The following BTC variants were observed in gnomAD, a reference collection of about 807,000 sequenced individuals.
BTC encodes the protein probetacellulin.
BTC carries 13 observed loss-of-function variants against 18.1 expected under a neutral mutation model. The ratio of observed to expected loss-of-function variants is 0.72; its 90% CI spans 0.47 to 1.14. The LOEUF is 1.14. Ranked by LOEUF, BTC falls within the 50% of genes most tolerant of loss-of-function variation. BTC has a pLI of 0.00. For missense variants in BTC, 247 were observed against 224.2 expected, an observed-to-expected ratio of 1.10 and a Z score of -0.65; for synonymous variants, 83 against 79.4, an observed-to-expected ratio of 1.05 and a Z score of -0.24.
At chr4:74,784,976 T>C (rs1328559376) in intron 1 of BTC, among the ~76,000 whole-genome samples, 1 of 152,200 alleles carries the variant, frequency 6.6e-6, no homozygotes, top group Non-Finnish European at 1.5e-5. Context: ...TTTTTAATTT[T>C]CTGGAATAGT....
At chr4:74,779,569 G>C (rs1375107298) in intron 1 of BTC, among the ~76,000 whole-genome samples, 1 of 152,134 alleles carries the variant, frequency 6.6e-6, no homozygotes, top group Non-Finnish European at 1.5e-5. Context: ...AGTTCAAAGA[G>C]AGGAGGTGAA....
chr4:74,749,745 CA>C (rs71220725), intron 4 of BTC, among the ~76,000 whole-genome samples: 1,144 of 54,890 alleles, frequency 0.021, 16 homozygotes, highest in African/African-American at 0.078. Context: ...TCCTGCTCTG[CA>C]AAAAAAAAAA....
intron 1 of BTC, among the ~76,000 whole-genome samples, chr4:74,778,744 A>G (rs967562683): frequency 1.3e-5 from 2 of 152,058 alleles, no homozygotes; most frequent in Admixed American, 1.3e-4. Flanking sequence ...AGAGGCCAGA[A>G]CTCATGCCCT....
At chr4:74,790,321 A>G (rs1264751156) in intron 1 of BTC, among the ~76,000 whole-genome samples, 1 of 152,188 alleles carries the variant, frequency 6.6e-6, no homozygotes, top group East Asian at 1.9e-4. Flanking sequence ...GTGGCTTTAC[A>G]TAGTATTGCA....
chr4:74,749,081 G>T (rs1286884973), intron 4 of BTC, among the ~76,000 whole-genome samples: 8 of 152,146 alleles, frequency 5.3e-5, no homozygotes, highest in African/African-American at 1.7e-4. Context: ...GTTCATAGTT[G>T]TTAAGAAATT....
At position 74,754,960 on chromosome 4, in the gene BTC, C is replaced by CACACACACAT. The variant is rs1386840032; in HGVS notation, c.281+898_281+899insATGTGTGTGT. ...CTCAACACACACACACACACACACACACACACTCACACACACACATTTCCT... is the reference window on the plus strand; with the variant it reads ...CTCAACACACACACACACACACACACACACACACATACACACTCACACACACACATTTCCT... On this transcript the variant is annotated intron_variant, in intron 3 of 5. Coordinates refer to ENST00000395743, the MANE Select transcript of BTC (RefSeq NM_001729.4). 2.4e-4 allele frequency among the ~76,000 whole-genome samples: 37 copies of CACACACACAT among 151,856 alleles called. 1 individual carries two copies. In the South Asian group the frequency reaches 7.5e-3, roughly 31 times the overall value.
chr4:74,774,168 T>C (rs1375124241), intron 1 of BTC, among the ~76,000 whole-genome samples: 2 of 152,212 alleles, frequency 1.3e-5, no homozygotes, highest in Non-Finnish European at 2.9e-5. Flanking sequence ...TATGTGGTCA[T>C]AGTAATGTCA....
At chr4:74,747,265 T>TCA (rs577268992) in intron 5 of BTC, among the ~76,000 whole-genome samples, 20 of 152,170 alleles carry the variant, frequency 1.3e-4, no homozygotes, top group Non-Finnish European at 2.9e-4. Flanking sequence ...TCAGATTCCA[T>TCA]CACCAGGGCT....
intron 2 of BTC, among the ~76,000 whole-genome samples, chr4:74,757,369 T>C (rs1439320594): frequency 6.6e-6 from 1 of 152,200 alleles, no homozygotes; most frequent in Admixed American, 6.5e-5. Flanking sequence ...AGGAACTGGC[T>C]AACCTGGTTT....
At chr4:74,773,431 A>T (rs1725095847) in intron 1 of BTC, among the ~76,000 whole-genome samples, 1 of 152,146 alleles carries the variant, frequency 6.6e-6, no homozygotes. Context: ...TCACAAAACT[A>T]TCTACTAAAC....
chr4:74,788,431 C>T (rs755317930), intron 1 of BTC, among the ~76,000 whole-genome samples: 20 of 152,186 alleles, frequency 1.3e-4, no homozygotes, highest in Non-Finnish European at 2.5e-4. Flanking sequence ...CATATTTAAT[C>T]TGTACGATGC....
At position 74,746,137 on chromosome 4, in the gene BTC, A is replaced by G. The variant is rs868994869; in HGVS notation, c.*540T>C. The G allele has an allele frequency of 1.3e-5, 2 of 152,168 alleles. No homozygotes were observed. Among genetic ancestry groups the G allele is most frequent in the Admixed American group, 6.5e-5 (1 of 15,272 alleles). The allele number at this position is 152,168 out of a possible 1,614,324, so 9.4% of individuals were successfully genotyped here. A position where few individuals can be genotyped will look rare whatever the true frequency, so the allele number is the denominator to read the frequency against. On this transcript the variant is annotated 3_prime_UTR_variant, in exon 6 of 6. Coordinates refer to ENST00000395743, the MANE Select transcript of BTC (RefSeq NM_001729.4). The stretch of plus-strand genomic sequence containing the variant: ...AAGAGCATAGATTTTGATTTAGATA[A>G]ATCTTGATTTCTAGTCTGTCTCTAC...
intron 1 of BTC, among the ~76,000 whole-genome samples, chr4:74,784,701 A>T (rs975843664): frequency 2.2e-4 from 33 of 152,112 alleles, no homozygotes; most frequent in East Asian, 1.2e-3. Context: ...TTTTGTCTTT[A>T]GTTCTGTTTA....
chr4:74,771,791 A>G (rs1010941535), intron 1 of BTC, among the ~76,000 whole-genome samples: 1 of 152,248 alleles, frequency 6.6e-6, no homozygotes, highest in Non-Finnish European at 1.5e-5. Flanking sequence ...CACACAATGT[A>G]TAAGTCTTAA....
chr4:74,751,093 A>G lies in BTC; in HGVS notation c.282-374T>C, dbSNP rs1305191636. On this transcript the variant is annotated intron_variant, in intron 3 of 5. Coordinates refer to ENST00000395743, the MANE Select transcript of BTC (RefSeq NM_001729.4). ...AATCCCCAGGACTTCCCATTTCATCACAGGATAATGCAAATAGTTTTGATG... is the reference window on the plus strand; with the variant it reads ...AATCCCCAGGACTTCCCATTTCATCGCAGGATAATGCAAATAGTTTTGATG... 2.0e-5 allele frequency among the ~76,000 whole-genome samples: 3 copies of G among 152,234 alleles called. No individual in the cohort carries two copies. In the East Asian group the frequency reaches 5.8e-4, roughly 29 times the overall value.
At chr4:74,780,414 T>G (rs1725287980) in intron 1 of BTC, among the ~76,000 whole-genome samples, 1 of 152,162 alleles carries the variant, frequency 6.6e-6, no homozygotes. Context: ...GTTTATTATT[T>G]TGTGTAGTCT....
chr4:74,770,270 C>A, intron 1 of BTC, 114 bp from the exon 2 acceptor site: 1 of 814,692 alleles, frequency 1.2e-6, no homozygotes. Context: ...ACTATGGTTT[C>A]CATTTCCAAG....
intron 2 of BTC, among the ~76,000 whole-genome samples, chr4:74,761,456 T>G (rs1051926959): frequency 3.3e-5 from 5 of 152,174 alleles, no homozygotes; most frequent in Admixed American, 6.5e-5. Flanking sequence ...TAAATTTAGT[T>G]TACATCCTAG....
At chr4:74,752,472 G>T (rs980149134) in intron 3 of BTC, among the ~76,000 whole-genome samples, 2 of 148,688 alleles carry the variant, frequency 1.3e-5, no homozygotes, top group East Asian at 2.0e-4. Context: ...TCCGTCTCCC[G>T]GGTTCAAGCG....
Sources: allele counts gnomAD v4.1 joint callset (sites outside exome capture counted in the v4.1 genomes callset), GRCh38; gene constraint gnomAD v4.1.1; transcripts MANE v1.5; gene names NCBI Gene and HGNC (gene_info 2026-07-23, HGNC 2026-07-21).